Variants in ALK observed in about 807,000 individuals in gnomAD.
ALK encodes the protein ALK tyrosine kinase receptor.
A neutral mutation model predicts 163.1 loss-of-function variants in ALK; 74 were observed. The observed-to-expected ratio is 0.45, with a 90% CI of 0.38 to 0.55. The LOEUF is 0.55. Among genes scored for constraint, ALK ranks in the 20% least tolerant of loss-of-function variants. The pLI, the probability that ALK is intolerant of heterozygous loss-of-function variation, is 0.00. For synonymous variants in ALK, 960 were observed against 843.2 expected, an observed-to-expected ratio of 1.14 and a Z score of -2.40; for missense variants, 2,063 against 2,105.3, an observed-to-expected ratio of 0.98 and a Z score of 0.39.
chr2:29,552,102 G>C (rs1673729708), intron 3 of ALK, among the ~76,000 whole-genome samples: 1 of 151,834 alleles, frequency 6.6e-6, no homozygotes. Context: ...TGTAAAATTG[G>C]AGTCAAATGA....
At chr2:29,465,697 A>AC (rs1164270091) in intron 4 of ALK, among the ~76,000 whole-genome samples, 1 of 152,172 alleles carries the variant, frequency 6.6e-6, no homozygotes, top group Non-Finnish European at 1.5e-5. Context: ...TCATTTCAAA[A>AC]AAAAACAAAA....
At chr2:29,379,118 G>A (rs772805232) in intron 5 of ALK, among the ~76,000 whole-genome samples, 35 of 152,276 alleles carry the variant, frequency 2.3e-4, no homozygotes, top group East Asian at 3.9e-4. Context: ...AGTGTCCTGC[G>A]TGATCCTATT....
chr2:29,451,808 C>T (rs114373916), intron 4 of ALK, among the ~76,000 whole-genome samples: 224 of 152,248 alleles, frequency 1.5e-3, no homozygotes, highest in African/African-American at 4.3e-3. Flanking sequence ...TGCGTATCCC[C>T]TAGAAACTAA....
intron 3 of ALK, among the ~76,000 whole-genome samples, chr2:29,637,793 T>A (rs2148242546): frequency 6.6e-6 from 1 of 152,036 alleles, no homozygotes; most frequent in African/African-American, 2.4e-5. Flanking sequence ...GGTTGTGATA[T>A]CACACTTATG....
At chr2:29,527,200 C>T (rs573598400) in intron 4 of ALK, among the ~76,000 whole-genome samples, 7 of 152,340 alleles carry the variant, frequency 4.6e-5, no homozygotes, top group Admixed American at 6.5e-5. Context: ...GAAACCATAC[C>T]TCCTGATGGC....
intron 2 of ALK, 113 bp from the exon 3 acceptor site, chr2:29,695,127 G>A: frequency 8.3e-7 from 1 of 1,201,554 alleles, no homozygotes; most frequent in Non-Finnish European, 1.2e-6. Flanking sequence ...CCTTTGCCCT[G>A]TCCAAGGGAG....
At chr2:29,817,868 G>A (rs1012182504) in intron 1 of ALK, among the ~76,000 whole-genome samples, 1 of 152,206 alleles carries the variant, frequency 6.6e-6, no homozygotes, top group Non-Finnish European at 1.5e-5. Context: ...GGAACTAGAG[G>A]ATGCCTTCTA....
intron 1 of ALK, among the ~76,000 whole-genome samples, chr2:29,857,355 C>T (rs749024158): frequency 2.0e-5 from 3 of 152,008 alleles, no homozygotes; most frequent in Non-Finnish European, 2.9e-5. Context: ...CAGACTGGAC[C>T]CCAGGGGATT....
At chr2:29,653,234 A>G (rs1009774503) in intron 3 of ALK, among the ~76,000 whole-genome samples, 24 of 152,082 alleles carry the variant, frequency 1.6e-4, no homozygotes, top group Non-Finnish European at 2.9e-5. Context: ...TTGGCGTGAG[A>G]GCTGAGAAAC....
chr2:29,423,027 G>A (rs1465064966), intron 4 of ALK, among the ~76,000 whole-genome samples: 15 of 151,642 alleles, frequency 9.9e-5, no homozygotes, highest in Admixed American at 9.9e-4. Flanking sequence ...GCTCTCCATA[G>A]TTTTAAGAAA....
At chr2:29,241,087 T>A (rs951627572) in intron 12 of ALK, among the ~76,000 whole-genome samples, 3 of 152,116 alleles carry the variant, frequency 2.0e-5, no homozygotes, top group Non-Finnish European at 4.4e-5. Flanking sequence ...AAATGGAGAA[T>A]CTAGTGCCCA....
intron 3 of ALK, among the ~76,000 whole-genome samples, chr2:29,581,712 G>A (rs1287220843): frequency 6.6e-6 from 1 of 152,144 alleles, no homozygotes; most frequent in African/African-American, 2.4e-5. Context: ...AGATGACCAG[G>A]GCAGTGAGGG....
intron 1 of ALK, among the ~76,000 whole-genome samples, chr2:29,816,712 G>C (rs548160739): frequency 6.6e-6 from 1 of 152,164 alleles, no homozygotes; most frequent in African/African-American, 2.4e-5. Flanking sequence ...CTGGCTCTGC[G>C]ACCTTGAGCA....
intron 5 of ALK, among the ~76,000 whole-genome samples, chr2:29,369,748 G>A (rs1668597501): frequency 6.6e-6 from 1 of 152,146 alleles, no homozygotes; most frequent in East Asian, 1.9e-4. Context: ...TGAGGCTGGG[G>A]AGATGCAGGG....
chr2:29,436,859 G>C (rs13013638), intron 4 of ALK, among the ~76,000 whole-genome samples: 95,919 of 152,066 alleles, frequency 0.63, 33,207 homozygotes, highest in South Asian at 0.83. Flanking sequence ...AGACCAGCCA[G>C]AGGAGAAAAT....
chr2:29,344,121 A>T (rs539876140), intron 5 of ALK, among the ~76,000 whole-genome samples: 2 of 152,302 alleles, frequency 1.3e-5, no homozygotes, highest in South Asian at 4.2e-4. Context: ...GACAATGAGG[A>T]AAATGTGGAT....
intron 4 of ALK, among the ~76,000 whole-genome samples, chr2:29,414,924 T>C (rs540274062): frequency 0.017 from 1,469 of 88,048 alleles, 16 homozygotes; most frequent in Middle Eastern, 0.097. Context: ...GAAGGGAGGT[T>C]TATCAAATCT....
At chr2:29,823,010 T>C (rs1056107182) in intron 1 of ALK, among the ~76,000 whole-genome samples, 1 of 152,262 alleles carries the variant, frequency 6.6e-6, no homozygotes, top group Non-Finnish European at 1.5e-5. Context: ...AAAACTCATC[T>C]TGAATTTCCA....
chr2:29,662,457 C>T (rs1677378576), intron 3 of ALK, among the ~76,000 whole-genome samples: 2 of 152,130 alleles, frequency 1.3e-5, no homozygotes, highest in Admixed American at 6.6e-5. Flanking sequence ...TGAAATTTGG[C>T]CCCTTCCTTA....
Sources: gnomAD v4.1 joint callset for allele counts (sites outside exome capture counted in the v4.1 genomes callset) on GRCh38, gnomAD v4.1.1 for gene constraint, MANE v1.5 for transcripts, NCBI Gene and HGNC (gene_info 2026-07-23, HGNC 2026-07-21) for gene names.